Variants in BORCS5 observed in about 807,000 individuals in gnomAD.
BORCS5 encodes BLOC-1-related complex subunit 5.
BORCS5 carries 17 observed loss-of-function variants against 22.1 expected under a neutral mutation model. That is an observed-to-expected ratio of 0.77 (90% CI 0.53 to 1.15). The LOEUF is 1.15. Ranked by LOEUF, BORCS5 falls within the 50% of genes most tolerant of loss-of-function variation. The pLI, the probability that BORCS5 is intolerant of heterozygous loss-of-function variation, is 0.00. For synonymous variants in BORCS5, 117 were observed against 99.8 expected (o/e 1.17, Z -1.03); for missense variants, 247 against 253.2 (o/e 0.98, Z 0.17).
At chr12:12,387,051 A>T (rs1341409283) in intron 2 of BORCS5, among the ~76,000 whole-genome samples, 1 of 151,276 alleles carries the variant, frequency 6.6e-6, no homozygotes, top group African/African-American at 2.4e-5. Flanking sequence ...TACTTTTTTT[A>T]GAAATGTGGT....
chr12:12,401,321 A>G (rs1347700652), intron 2 of BORCS5, among the ~76,000 whole-genome samples: 7 of 152,196 alleles, frequency 4.6e-5, no homozygotes, highest in African/African-American at 1.7e-4. Flanking sequence ...AAAACCGGAT[A>G]TTGTCCCAGC....
At chr12:12,413,837 TG>T in intron 2 of BORCS5, among the ~76,000 whole-genome samples, 1 of 68,028 alleles carries the variant, frequency 1.5e-5, no homozygotes, top group African/African-American at 9.0e-5. Context: ...GGCGGGGGGC[TG>T]GCCCCCCCAC....
chr12:12,373,777 G>A lies in BORCS5; in HGVS notation c.202+12428G>A, dbSNP rs2041928. 3.5e-3 allele frequency among the ~76,000 whole-genome samples: 539 copies of A among 152,154 alleles called. 1 individual carries two copies. The highest frequency in any genetic ancestry group is 0.01 in the African/African-American group (424 of 41,510). ...TTTAGGACCTTATTGTTTTGTGAGCGATTTAGACAGGTAAGTATTCACAAT... is the reference window on the plus strand; with the variant it reads ...TTTAGGACCTTATTGTTTTGTGAGCAATTTAGACAGGTAAGTATTCACAAT... On this transcript the variant is annotated intron_variant, in intron 2 of 3. Coordinates refer to ENST00000314565, the MANE Select transcript of BORCS5 (RefSeq NM_058169.6).
At chr12:12,422,443 A>G (rs1052693627) in intron 2 of BORCS5, among the ~76,000 whole-genome samples, 3 of 152,052 alleles carry the variant, frequency 2.0e-5, no homozygotes, top group Admixed American at 1.3e-4. Flanking sequence ...GTGAAACCCC[A>G]TCTCTACTAA....
intron 2 of BORCS5, among the ~76,000 whole-genome samples, chr12:12,361,909 T>C (rs938085997): frequency 3.3e-5 from 5 of 152,182 alleles, no homozygotes; most frequent in African/African-American, 1.2e-4. Flanking sequence ...TAGCATATAC[T>C]GTGGTAGTTA....
intron 3 of BORCS5, among the ~76,000 whole-genome samples, chr12:12,460,101 G>A (rs1286800582): frequency 2.6e-5 from 4 of 152,156 alleles, no homozygotes; most frequent in African/African-American, 9.7e-5. Context: ...TAATCAATTT[G>A]GCAAGCATCA....
chr12:12,455,220 G>A (rs1942977550), intron 3 of BORCS5, among the ~76,000 whole-genome samples: 1 of 152,172 alleles, frequency 6.6e-6, no homozygotes, highest in Non-Finnish European at 1.5e-5. Context: ...AAAGAACAAA[G>A]CTGGGAATGG....
chr12:12,456,728 C>T (rs1432622266), intron 3 of BORCS5, among the ~76,000 whole-genome samples: 2 of 151,818 alleles, frequency 1.3e-5, no homozygotes, highest in Non-Finnish European at 2.9e-5. Context: ...CATGGAAGGA[C>T]TTGTAGGTAA....
chr12:12,434,905 T>C (rs540052487), intron 2 of BORCS5, among the ~76,000 whole-genome samples: 43 of 152,364 alleles, frequency 2.8e-4, no homozygotes, highest in African/African-American at 9.9e-4. Context: ...ATTTCTAGAC[T>C]GGGCTTTGCT....
chr12:12,418,276 G>A (rs1276830672), intron 2 of BORCS5, among the ~76,000 whole-genome samples: 1 of 150,544 alleles, frequency 6.6e-6, no homozygotes, highest in Non-Finnish European at 1.5e-5. Context: ...CTGACCTCGT[G>A]ATCTGCCCAC....
intron 1 of BORCS5, among the ~76,000 whole-genome samples, chr12:12,359,040 T>G (rs1291748030): frequency 1.3e-5 from 2 of 152,148 alleles, no homozygotes; most frequent in Non-Finnish European, 2.9e-5. Flanking sequence ...ATAAAACACT[T>G]TAAAGATTCA....
At chr12:12,448,399 A>G (rs1320686581) in intron 3 of BORCS5, among the ~76,000 whole-genome samples, 1 of 152,034 alleles carries the variant, frequency 6.6e-6, no homozygotes, top group Admixed American at 6.5e-5. Flanking sequence ...TATTTTTAGT[A>G]GAGATGAGTT....
chr12:12,413,075 C>G (rs113224339), intron 2 of BORCS5, among the ~76,000 whole-genome samples: 23,431 of 110,540 alleles, frequency 0.21, 2,579 homozygotes, highest in African/African-American at 0.34. Context: ...GTTTGTGTCC[C>G]TGATTACTTG....
chr12:12,464,746 G>A (rs1004159971), intron 3 of BORCS5, among the ~76,000 whole-genome samples: 3 of 152,058 alleles, frequency 2.0e-5, no homozygotes. Context: ...GTCACGCAAG[G>A]GCAGCCCAGA....
intron 3 of BORCS5, among the ~76,000 whole-genome samples, chr12:12,453,360 T>A (rs1044777084): frequency 6.6e-6 from 1 of 152,208 alleles, no homozygotes; most frequent in Non-Finnish European, 1.5e-5. Flanking sequence ...AATGTAAAGA[T>A]CCAGGATCTT....
chr12:12,455,714 G>T (rs948708911), intron 3 of BORCS5, among the ~76,000 whole-genome samples: 1 of 151,448 alleles, frequency 6.6e-6, no homozygotes, highest in Admixed American at 6.6e-5. Flanking sequence ...AGGAGGTGGA[G>T]GTTGCAATGA....
chr12:12,361,374 C>T, intron 2 of BORCS5, 25 bp downstream of exon 2: 1 of 1,608,208 alleles, frequency 6.2e-7, no homozygotes, highest in Non-Finnish European at 8.5e-7. Flanking sequence ...TTTGTTTTAT[C>T]TGAACTTGCT....
Position 12,469,002 on chromosome 12 carries a change from A to G in BORCS5, c.*3226A>G, listed in dbSNP as rs2136171312. On this transcript the variant is annotated 3_prime_UTR_variant, in exon 4 of 4. Coordinates refer to ENST00000314565, the MANE Select transcript of BORCS5 (RefSeq NM_058169.6). ...TACCCAGTATTCTCTGCACAGAGTAAACATTTCATTAAATGAGTTTCAAGG... is the reference window on the plus strand; with the variant it reads ...TACCCAGTATTCTCTGCACAGAGTAGACATTTCATTAAATGAGTTTCAAGG... 6.6e-6 allele frequency: 1 copy of G among 152,300 alleles called. No individual in the cohort carries two copies. Among genetic ancestry groups the G allele is most frequent in the Admixed American group, 6.5e-5 (1 of 15,300 alleles). 9.4% of individuals were successfully genotyped at this position (152,300 alleles called of 1,614,324 possible). A position where few individuals can be genotyped will look rare whatever the true frequency, so the allele number is the denominator to read the frequency against.
At chr12:12,414,541 CGGCT>C (rs1941863739) in intron 2 of BORCS5, among the ~76,000 whole-genome samples, 3 of 77,812 alleles carry the variant, frequency 3.9e-5, no homozygotes, top group Admixed American at 3.1e-4. Context: ...CCAGACTGGG[CGGCT>C]GGCCGGGCGG....
Sources: allele counts gnomAD v4.1 joint callset (sites outside exome capture counted in the v4.1 genomes callset), GRCh38; gene constraint gnomAD v4.1.1; transcripts MANE v1.5; gene names NCBI Gene and HGNC (gene_info 2026-07-23, HGNC 2026-07-21).